HMCN2: variants seen among roughly 807,000 people sequenced by gnomAD.
HMCN2 encodes hemicentin 2, also known as hemicentin-2.
A neutral mutation model predicts 377.5 loss-of-function variants in HMCN2; 325 were observed. That is an observed-to-expected ratio of 0.86 (90% CI 0.79 to 0.94). The LOEUF is 0.94. HMCN2 is among the 40% of genes least tolerant of loss of function. The probability of loss-of-function intolerance (pLI) is 0.00; values close to 1 mark genes in which losing one functional copy is unlikely to be tolerated. For missense variants in HMCN2, 4,543 were observed against 4,725.3 expected (o/e 0.96, Z 1.13); for synonymous variants, 2,007 against 2,046.8 (o/e 0.98, Z 0.53).
In HMCN2 at chr9:130,396,284, C is replaced by G; in HGVS notation, c.11169C>G (p.Asp3723Glu). The G allele has an allele frequency of 7.8e-7, 1 of 1,279,922 alleles. No homozygotes were observed. The highest frequency in any genetic ancestry group is 1.0e-6 in the Non-Finnish European group (1 of 980,704). 79.3% of individuals were successfully genotyped at this position (1,279,922 alleles called of 1,614,324 possible). A position where few individuals can be genotyped will look rare whatever the true frequency, so the allele number is the denominator to read the frequency against. ...VPAPLVSWRK[D>E]RVPLDPRSPR... ...CACCCCTCGTGAGCTGGCGGAAGGA[C>G]AGGGTCCCCCTGGATCCCAGGAGCC... Residue 3723 changes from aspartate to glutamate, a missense_variant, in exon 73 of 98, where the codon GAC becomes GAG. This residue lies in a region of HMCN2 where 1,073 missense variants were observed against 1,319.5 expected (regional missense o/e 0.81). Coordinates refer to ENST00000683500, the MANE Select transcript of HMCN2 (RefSeq NM_001291815.2).
intron 30 of HMCN2, among the ~76,000 whole-genome samples, chr9:130,352,060 C>T (rs1449934970): frequency 6.6e-6 from 1 of 152,192 alleles, no homozygotes; most frequent in South Asian, 2.1e-4. Flanking sequence ...GATCCTCCTG[C>T]CTTGGCCTCC....
In HMCN2 at chr9:130,371,106, C is replaced by T. The variant is rs1365316113; in HGVS notation, c.7212C>T (p.Pro2404=). ...RWFRGEEPVS[P]GEDTYLLAGG... ...TCCGAGGGGAGGAGCCTGTCAGCCCCGGGGAGGACACCTACCTGCTGGCAG... is the reference window on the plus strand; with the variant it reads ...TCCGAGGGGAGGAGCCTGTCAGCCCTGGGGAGGACACCTACCTGCTGGCAG... The change falls in exon 46 of 98, where the codon CCC becomes CCT. Residue 2404 remains proline (P), a synonymous_variant. Transcript: ENST00000683500. 49 of 985,832 alleles carry T rather than the reference C, an allele frequency of 5.0e-5. No homozygotes were observed. Among genetic ancestry groups the T allele is most frequent in the South Asian group, 1.4e-4 (3 of 21,286 alleles). 61.1% of individuals were successfully genotyped at this position (985,832 alleles called of 1,614,324 possible).
chr9:130,274,523 T>C (rs1013258059), intron 1 of HMCN2, among the ~76,000 whole-genome samples: 9 of 152,196 alleles, frequency 5.9e-5, no homozygotes, highest in Non-Finnish European at 1.2e-4. Context: ...TTCCTTTGTG[T>C]TTTTTGTCAA....
chr9:130,417,408 G>C (rs1360139705), intron 85 of HMCN2, among the ~76,000 whole-genome samples: 1 of 151,632 alleles, frequency 6.6e-6, no homozygotes, highest in Non-Finnish European at 1.5e-5. Context: ...TGTAATCCCA[G>C]CTACTCAGGA....
In HMCN2 at chr9:130,405,186, G is replaced by C. The variant is rs111791106; in HGVS notation, c.12339+127G>C. The C allele has an allele frequency of 1.2e-4, 78 of 629,730 alleles. No individual in the cohort carries two copies. In the African/African-American group the frequency reaches 1.3e-3, roughly 11 times the overall value. The allele number at this position is 629,730 out of a possible 1,614,324, so 39.0% of individuals were successfully genotyped here. On this transcript the variant is annotated intron_variant, in intron 81 of 97. Transcript: ENST00000683500. Reference sequence around the variant, plus strand: ...GGGGAAATCAGTGTCACCATCCCGGGTACAGACAGCCAGAACTGAGGCTCA... The same window carrying C: ...GGGGAAATCAGTGTCACCATCCCGGCTACAGACAGCCAGAACTGAGGCTCA...
Position 130,376,625 on chromosome 9 carries a change from C to A in HMCN2, c.8028C>A (p.Pro2676=). The A allele has an allele frequency of 2.0e-6, 2 of 985,800 alleles. No individual in the cohort carries two copies. The highest frequency in any genetic ancestry group is 2.4e-6 in the Non-Finnish European group (2 of 829,958). 61.1% of individuals were successfully genotyped at this position (985,800 alleles called of 1,614,324 possible). ...LTLECESWAV[P]PPTIRWYKDG... The stretch of plus-strand genomic sequence containing the variant: ...TGGAGTGTGAGAGCTGGGCTGTGCC[C>A]CCGCCCACCATCCGCTGGTACAAGG... Residue 2676 remains proline (P), a synonymous_variant, in exon 52 of 98, where the codon CCC becomes CCA. Coordinates refer to ENST00000683500, the MANE Select transcript of HMCN2 (RefSeq NM_001291815.2).
At chr9:130,376,946 C>T (rs1297191713) in intron 52 of HMCN2, among the ~76,000 whole-genome samples, 2 of 151,000 alleles carry the variant, frequency 1.3e-5, no homozygotes, top group Admixed American at 6.6e-5. Flanking sequence ...TACAGGTGCC[C>T]GCCACCATGC....
chr9:130,314,109 C>A (rs916712981), intron 15 of HMCN2, among the ~76,000 whole-genome samples: 1 of 152,204 alleles, frequency 6.6e-6, no homozygotes, highest in Non-Finnish European at 1.5e-5. Flanking sequence ...TTTCTGTCCT[C>A]TCATTTCAGT....
chr9:130,431,552 A>G, intron 96 of HMCN2, 66 bp downstream of exon 96: 1 of 1,521,696 alleles, frequency 6.6e-7, no homozygotes, highest in Admixed American at 2.0e-5. Context: ...GGGATGGGAC[A>G]TGTGGCATCT....
chr9:130,425,029 C>G lies in HMCN2; in HGVS notation c.13540C>G (p.Gln4514Glu), dbSNP rs1427440156. 1 of 1,548,840 alleles carries G rather than the reference C, an allele frequency of 6.5e-7. No individual in the cohort carries two copies. The highest frequency in any genetic ancestry group is 1.4e-5 in the African/African-American group (1 of 73,138). ...FATGELLTMTQVARGLDPDGL... is the reference protein window; with the variant it reads ...FATGELLTMTEVARGLDPDGL... The stretch of plus-strand genomic sequence containing the variant: ...TGCAGGGGAGCTGCTCACGATGACC[C>G]AGGTGGCCCGGGGTCTGGATCCCGA... The change falls in exon 89 of 98, where the codon CAG becomes GAG. Residue 4514 changes from glutamine to glutamate, a missense_variant. By Grantham distance (29) the Gln-to-Glu change is conservative (BLOSUM62 2). Coordinates refer to ENST00000683500, the MANE Select transcript of HMCN2 (RefSeq NM_001291815.2).
At position 130,362,090 on chromosome 9, in the gene HMCN2, C is replaced by T. The variant is rs551243020; in HGVS notation, c.6033C>T (p.Thr2011=). 871 of 986,068 alleles carry T rather than the reference C, an allele frequency of 8.8e-4. No individual in the cohort carries two copies. Among genetic ancestry groups the T allele is most frequent in the African/African-American group, 3.5e-3 (199 of 57,384 alleles). 61.1% of individuals were successfully genotyped at this position (986,068 alleles called of 1,614,324 possible). Residue 2011 remains threonine, a synonymous_variant, in exon 39 of 98, where the codon ACC becomes ACT. Coordinates refer to ENST00000683500, the MANE Select transcript of HMCN2 (RefSeq NM_001291815.2). ...NTPVRLTCNA[T]GAPSPTLMWL... The stretch of plus-strand genomic sequence containing the variant: ...CTGTCCGGCTGACCTGCAATGCCAC[C>T]GGTGCCCCCAGCCCCACACTGATGT...
chr9:130,290,781 T>C (rs1484659662), intron 4 of HMCN2, among the ~76,000 whole-genome samples: 1 of 151,466 alleles, frequency 6.6e-6, no homozygotes, highest in Non-Finnish European at 1.5e-5. Context: ...AACAGATGCA[T>C]TTTCAGAATA....
At chr9:130,342,012 A>AAT (rs1436246406) in intron 24 of HMCN2, among the ~76,000 whole-genome samples, 1 of 130,692 alleles carries the variant, frequency 7.7e-6, no homozygotes, top group Non-Finnish European at 1.6e-5. Flanking sequence ...CCCATCTCTT[A>AAT]AAATAAATAA....
At chr9:130,354,742 C>A in intron 31 of HMCN2, 21 bp from the exon 32 acceptor site, 1 of 1,276,510 alleles carries the variant, frequency 7.8e-7, no homozygotes, top group South Asian at 1.3e-5. Flanking sequence ...GTCCCCAAGC[C>A]GCCCCCTGCC....
At chr9:130,368,738 G>A (rs1272708257) in intron 44 of HMCN2, among the ~76,000 whole-genome samples, 1 of 151,304 alleles carries the variant, frequency 6.6e-6, no homozygotes, top group Admixed American at 6.6e-5. Flanking sequence ...ATGTCGGCAG[G>A]AGAGAGAGAG....
chr9:130,424,892 T>A lies in HMCN2; in HGVS notation c.13498T>A (p.Ser4500Thr). 1.4e-6 allele frequency: 2 copies of A among 1,452,318 alleles called. No individual in the cohort carries two copies. Among genetic ancestry groups the A allele is most frequent in the Non-Finnish European group, 1.8e-6 (2 of 1,096,766 alleles). 90.0% of individuals were successfully genotyped at this position (1,452,318 alleles called of 1,614,324 possible). A position where few individuals can be genotyped will look rare whatever the true frequency, so the allele number is the denominator to read the frequency against. ...SLTGGRFRQE[S>T]HVEFATGELL... ...GACTGGGGGCAGGTTCCGGCAGGAGTCACACGTGGAGTTTGCTACAGGTAA... is the reference window on the plus strand; with the variant it reads ...GACTGGGGGCAGGTTCCGGCAGGAGACACACGTGGAGTTTGCTACAGGTAA... The change falls in exon 88 of 98, where the codon TCA becomes ACA. Residue 4500 changes from serine (S) to threonine (T), a missense_variant. Coordinates refer to ENST00000683500, the MANE Select transcript of HMCN2 (RefSeq NM_001291815.2).
chr9:130,305,037 T>G (rs1836773966), intron 11 of HMCN2, 35 bp downstream of exon 11: 1 of 457,028 alleles, frequency 2.2e-6, no homozygotes. Context: ...TTCCCCTAAT[T>G]CAACACGTGA....
chr9:130,433,744 C>G lies in HMCN2; in HGVS notation c.*51C>G. ...CTGGCGTGACCCCCGAGGAAGGGGT[C>G]GAGGAGAAGCTTGGTCCACGCCACC... On this transcript the variant is annotated 3_prime_UTR_variant, in exon 98 of 98. Transcript: ENST00000683500. 1 of 1,346,906 alleles carries G rather than the reference C, an allele frequency of 7.4e-7. No homozygotes were observed. The allele number at this position is 1,346,906 out of a possible 1,614,324, so 83.4% of individuals were successfully genotyped here.
At chr9:130,266,789 G>A (rs1554919195) in intron 1 of HMCN2, among the ~76,000 whole-genome samples, 1 of 152,184 alleles carries the variant, frequency 6.6e-6, no homozygotes, top group African/African-American at 2.4e-5. Context: ...TTCCCTGCAC[G>A]CTGCACCTCT....
Sources: gnomAD v4.1 joint callset for allele counts (sites outside exome capture counted in the v4.1 genomes callset) on GRCh38, gnomAD v4.1.1 for gene constraint, gnomAD v4.1.1 regional missense constraint, MANE v1.5 for transcripts, NCBI Gene and HGNC (gene_info 2026-07-23, HGNC 2026-07-21) for gene names.